Variants in MREG observed in about 807,000 individuals in gnomAD.
The protein encoded by MREG is melanoregulin, also known as dilute suppressor protein homolog.
A neutral mutation model predicts 28.5 loss-of-function variants in MREG; 31 were observed. The ratio of observed to expected loss-of-function variants is 1.09; its 90% CI spans 0.82 to 1.47. The LOEUF is 1.47. Ranked by LOEUF, MREG falls within the 40% of genes most tolerant of loss-of-function variation. The pLI, the probability that MREG is intolerant of heterozygous loss-of-function variation, is 0.00. For synonymous variants in MREG, 106 were observed against 95.2 expected (o/e 1.11, Z -0.66); for missense variants, 256 against 257.4 (o/e 0.99, Z 0.04).
intron 1 of MREG, among the ~76,000 whole-genome samples, chr2:216,030,729 CTT>C (rs71047960): frequency 5.5e-5 from 8 of 145,596 alleles, no homozygotes; most frequent in Admixed American, 6.8e-5. Context: ...TTCTTTCTTT[CTT>C]TTTTTTTTTT....
At chr2:216,015,443 T>C (rs1298802560), upstream of MREG, among the ~76,000 whole-genome samples, 1 of 151,748 alleles carries the variant, frequency 6.6e-6, no homozygotes. Flanking sequence ...AAGGGGGCCA[T>C]GGAAAGGGAA....
chr2:215,985,373 C>G (rs1324204170), intron 2 of MREG, among the ~76,000 whole-genome samples: 5 of 152,150 alleles, frequency 3.3e-5, no homozygotes, highest in African/African-American at 1.2e-4. Context: ...ACATAATGTA[C>G]TTTATGGCAT....
chr2:215,987,700 G>A (rs1693610264), intron 2 of MREG, among the ~76,000 whole-genome samples: 1 of 151,604 alleles, frequency 6.6e-6, no homozygotes, highest in African/African-American at 2.4e-5. Flanking sequence ...GACCAACATG[G>A]TGAAACCCCG....
At chr2:216,030,940 TCTCTCTCTCTCTCTCTCACACACA>T (rs1208170526) in intron 1 of MREG, among the ~76,000 whole-genome samples, 29 of 72,518 alleles carry the variant, frequency 4.0e-4, no homozygotes, top group South Asian at 8.6e-4. Flanking sequence ...TCTCTCTCTC[TCTCTCTCTCTCTCTCTCACACACA>T]CACACACACA....
intron 1 of MREG, among the ~76,000 whole-genome samples, chr2:215,998,709 C>T (rs1297757183): frequency 6.6e-6 from 1 of 152,222 alleles, no homozygotes. Context: ...AAAATGATGC[C>T]TTTGGGCCCT....
At chr2:216,003,557 A>T (rs1240331853) in intron 1 of MREG, among the ~76,000 whole-genome samples, 1 of 152,076 alleles carries the variant, frequency 6.6e-6, no homozygotes, top group East Asian at 1.9e-4. Flanking sequence ...AAGATTCCCG[A>T]ATCGGAATCC....
chr2:216,010,113 T>TC (rs1344864202), intron 1 of MREG, among the ~76,000 whole-genome samples: 1 of 152,116 alleles, frequency 6.6e-6, no homozygotes, highest in Non-Finnish European at 1.5e-5. Flanking sequence ...CTAAATCCAA[T>TC]CACTGGTGTC....
chr2:215,949,087 C>CTACTACTACTACTACTAA (rs869228880), intron 2 of MREG, among the ~76,000 whole-genome samples: 1 of 124,602 alleles, frequency 8.0e-6, no homozygotes, highest in African/African-American at 3.1e-5. Context: ...ACTACTACTA[C>CTACTACTACTACTACTAA]TAATAATAAT....
In MREG at chr2:215,945,572, A is replaced by G; in HGVS notation, c.509T>C (p.Val170Ala). 1.2e-6 allele frequency: 2 copies of G among 1,609,930 alleles called. No homozygotes were observed. The highest frequency in any genetic ancestry group is 1.7e-6 in the Non-Finnish European group (2 of 1,178,732). ...AAATGAAAAAAAGCATCCACTTACC[A>G]CAACAAAGAGATATCTCTCTGAGAG... The part of the protein sequence containing the change: ...WELSERYLFV[V>A]DRLIALDAAE... Residue 170 changes from valine to alanine, a missense_variant and splice_region_variant, in exon 4 of 5, where the codon GTG (valine) becomes GCG (alanine). Physicochemically the swap from Val to Ala is moderately conservative, Grantham distance 64. Transcript: ENST00000263268.
Position 216,003,198 on chromosome 2 carries a change from C to G in MREG, c.96-6733G>C, listed in dbSNP as rs370304682. On this transcript the variant is annotated intron_variant, in intron 1 of 4. Transcript: ENST00000263268. ...CTTTCCTCAGCACTCGCCACCTACA[C>G]TCATGACCTCCTTCAGCCCCAGAGA... Among the ~76,000 whole-genome samples, 4 of 152,302 alleles carry G rather than the reference C, an allele frequency of 2.6e-5. No homozygotes were observed. The South Asian group carries it at 8.3e-4, about 32-fold the overall frequency.
intron 2 of MREG, among the ~76,000 whole-genome samples, chr2:215,994,255 C>A (rs1342601267): frequency 6.6e-6 from 1 of 151,888 alleles, no homozygotes; most frequent in Non-Finnish European, 1.5e-5. Flanking sequence ...AGTTCATGTC[C>A]TTTGCAGGGA....
chr2:215,996,830 G>C (rs1574639876), intron 1 of MREG, among the ~76,000 whole-genome samples: 1 of 151,990 alleles, frequency 6.6e-6, no homozygotes, highest in South Asian at 2.1e-4. Context: ...ACCCAGGCTG[G>C]AGTGCAGTGG....
At chr2:215,939,872 A>T (rs1289771234), downstream of MREG, among the ~76,000 whole-genome samples, 1 of 151,746 alleles carries the variant, frequency 6.6e-6, no homozygotes, top group Non-Finnish European at 1.5e-5. Flanking sequence ...CTACATGTTT[A>T]AAAATGTTTA....
At position 215,943,837 on chromosome 2, in the gene MREG, T is replaced by TC. The variant is rs1692244812; in HGVS notation, c.*1025dup. ...GCCTGGGCGACAGAGCGAGAGTCCA[T>TC]CAAAAAAAAAAAAAAAAAAAAAAAG... On this transcript the variant is annotated 3_prime_UTR_variant, in exon 5 of 5. Coordinates refer to ENST00000263268, the MANE Select transcript of MREG (RefSeq NM_018000.3). 1 of 5,112 alleles carries TC rather than the reference T, an allele frequency of 2.0e-4. No homozygotes were observed. The allele number at this position is 5,112 out of a possible 1,614,324, so 0.3% of individuals were successfully genotyped here.
chr2:216,014,953 C>G (rs1694410609), upstream of MREG, among the ~76,000 whole-genome samples: 1 of 152,134 alleles, frequency 6.6e-6, no homozygotes, highest in African/African-American at 2.4e-5. Context: ...GGGAATAAAG[C>G]AGTGAATGAA....
chr2:215,986,726 G>T (rs962282241), intron 2 of MREG, among the ~76,000 whole-genome samples: 2 of 152,116 alleles, frequency 1.3e-5, no homozygotes, highest in African/African-American at 4.8e-5. Context: ...AAGTTCTCTT[G>T]CCTGCCACCA....
chr2:216,021,810 T>C (rs1694526093), intron 1 of MREG, among the ~76,000 whole-genome samples: 1 of 152,228 alleles, frequency 6.6e-6, no homozygotes, highest in South Asian at 2.1e-4. Context: ...ATTCATACTT[T>C]AGTCAGATCC....
chr2:216,018,699 T>C (rs1694480525), intron 1 of MREG, among the ~76,000 whole-genome samples: 1 of 152,128 alleles, frequency 6.6e-6, no homozygotes, highest in Admixed American at 6.6e-5. Flanking sequence ...CATTAGGGAG[T>C]GGCATGACTA....
chr2:215,976,023 G>A (rs1305369624), intron 2 of MREG, among the ~76,000 whole-genome samples: 2 of 151,796 alleles, frequency 1.3e-5, no homozygotes, highest in Admixed American at 6.6e-5. Context: ...CAGGAGAGTC[G>A]CTTGAACCCA....
Sources: allele counts gnomAD v4.1 joint callset (sites outside exome capture counted in the v4.1 genomes callset), GRCh38; gene constraint gnomAD v4.1.1; transcripts MANE v1.5; gene names NCBI Gene and HGNC (gene_info 2026-07-23, HGNC 2026-07-21).